RAB31: variants seen among roughly 807,000 people sequenced by gnomAD.
The protein encoded by RAB31 is RAB31, member RAS oncogene family.
RAB31 carries 21 observed loss-of-function variants against 25.6 expected under a neutral mutation model. The observed-to-expected ratio is 0.82, with a 90% CI of 0.58 to 1.18. The LOEUF (loss-of-function observed/expected upper bound fraction) is 1.18, where lower values mean the gene tolerates loss of function less well. Ranked by LOEUF, RAB31 falls within the 50% of genes most tolerant of loss-of-function variation. RAB31 has a pLI of 0.00. For synonymous variants in RAB31, 87 were observed against 84.0 expected, an observed-to-expected ratio of 1.04 and a Z score of -0.20; for missense variants, 196 against 250.1, an observed-to-expected ratio of 0.78 and a Z score of 1.46.
At chr18:9,740,621 G>A (rs6506687) in intron 1 of RAB31, among the ~76,000 whole-genome samples, 60,344 of 151,748 alleles carry the variant, frequency 0.4, 12,836 homozygotes, top group East Asian at 0.7. Context: ...GCTGAGGCAG[G>A]AGAATTGCTT....
intron 1 of RAB31, chr18:9,735,610 CA>C (rs766412927): frequency 1.3e-3 from 224 of 170,042 alleles, no homozygotes; most frequent in Non-Finnish European, 2.4e-3. Flanking sequence ...GCATGTCAGA[CA>C]AAAGAGGAAG....
Position 9,708,482 on chromosome 18 carries a change from C to T in RAB31, c.39+38C>T. 6.5e-7 allele frequency: 1 copy of T among 1,526,768 alleles called. No homozygotes were observed. The highest frequency in any genetic ancestry group is 8.8e-7 in the Non-Finnish European group (1 of 1,134,654). The allele number at this position is 1,526,768 out of a possible 1,614,324, so 94.6% of individuals were successfully genotyped here. On this transcript the variant is annotated intron_variant, in intron 1 of 6. Coordinates refer to ENST00000578921, the MANE Select transcript of RAB31 (RefSeq NM_006868.4). This position sits in a 1 kb window ranked among gnomAD's most constrained non-coding sequence, Gnocchi z 6.4. Reference sequence around the variant, plus strand: ...CGCCACCCGCCGGCGGACCCCGGCCCGCGCTCTCGCGCCCCTTCGCTCCCC... The same window carrying T: ...CGCCACCCGCCGGCGGACCCCGGCCTGCGCTCTCGCGCCCCTTCGCTCCCC...
chr18:9,857,686 TGATAGATAGATA>T lies in RAB31; in HGVS notation c.491-1509_491-1498del, dbSNP rs3039678. ...ATAGATAGATAGATAGATAGATAGA[TGATAGATAGATA>T]GATAGATAGATAGATAGATAGATAG... On this transcript the variant is annotated intron_variant, in intron 6 of 6. Transcript: ENST00000578921. 1.4e-3 allele frequency among the ~76,000 whole-genome samples: 161 copies of T among 114,164 alleles called. 1 individual carries two copies. Among genetic ancestry groups the T allele is most frequent in the African/African-American group, 4.7e-3 (142 of 30,166 alleles). The allele number at this position is 114,164 out of a possible 152,430, so 74.9% of individuals were successfully genotyped here.
At chr18:9,789,392 A>G (rs1416663968) in intron 2 of RAB31, among the ~76,000 whole-genome samples, 1 of 152,234 alleles carries the variant, frequency 6.6e-6, no homozygotes, top group Non-Finnish European at 1.5e-5. Flanking sequence ...TTGGGTGTTC[A>G]CAACACCAAG....
intron 1 of RAB31, 127 bp from the exon 2 acceptor site, chr18:9,775,151 C>A: frequency 1.4e-6 from 2 of 1,448,588 alleles, no homozygotes; most frequent in South Asian, 1.3e-5. Flanking sequence ...TCCCCCCACT[C>A]CCTCTCCCAG....
Position 9,859,231 on chromosome 18 carries a change from G to T in RAB31, c.494G>T (p.Arg165Leu), listed in dbSNP as rs200908119. 1 of 1,612,984 alleles carries T rather than the reference G, an allele frequency of 6.2e-7. No individual in the cohort carries two copies. The highest frequency in any genetic ancestry group is 8.5e-7 in the Non-Finnish European group (1 of 1,179,078). Reference sequence around the variant, plus strand: ...CTTGGCCTCCTTTTTGTTGCAGGCCGCCAGATCCCACCCTTGGACCCCCAT... The same window carrying T: ...CTTGGCCTCCTTTTTGTTGCAGGCCTCCAGATCCCACCCTTGGACCCCCAT... ...NIEELFQGIS[R>L]QIPPLDPHEN... Residue 165 changes from arginine (R) to leucine (L), a missense_variant, in exon 7 of 7, where the codon CGC becomes CTC. Physicochemically the swap from Arg to Leu is moderately radical, Grantham distance 102 (BLOSUM62 -2). Transcript: ENST00000578921.
chr18:9,741,934 T>A (rs1317060291), intron 1 of RAB31, among the ~76,000 whole-genome samples: 1 of 152,134 alleles, frequency 6.6e-6, no homozygotes. Context: ...AGCCAGGAAA[T>A]GTGAGTCAGT....
intron 5 of RAB31, among the ~76,000 whole-genome samples, chr18:9,821,606 G>A (rs942378920): frequency 6.6e-6 from 1 of 152,058 alleles, no homozygotes; most frequent in African/African-American, 2.4e-5. Context: ...GTTCAGCAAA[G>A]TTGTGGGATA....
chr18:9,753,178 G>A (rs1453743993), intron 1 of RAB31, among the ~76,000 whole-genome samples: 1 of 152,186 alleles, frequency 6.6e-6, no homozygotes, highest in Non-Finnish European at 1.5e-5. Context: ...TTGTGATACT[G>A]CTATGATTTG....
chr18:9,775,127 A>G, intron 1 of RAB31, 151 bp from the exon 2 acceptor site: 4 of 1,223,284 alleles, frequency 3.3e-6, no homozygotes, highest in Non-Finnish European at 4.5e-6. Context: ...ATTGGTGAGA[A>G]ATAGAAGAAA....
chr18:9,719,300 TATATA>T (rs1359209036), intron 1 of RAB31, among the ~76,000 whole-genome samples: 1 of 12,212 alleles, frequency 8.2e-5, no homozygotes, highest in African/African-American at 2.3e-4. Context: ...AAAAAAAAAA[TATATA>T]TATATATATA....
intron 1 of RAB31, among the ~76,000 whole-genome samples, chr18:9,754,867 A>G (rs1045875762): frequency 6.6e-6 from 1 of 152,144 alleles, no homozygotes; most frequent in Non-Finnish European, 1.5e-5. Flanking sequence ...TGGCCTAGAC[A>G]TGGAATATGT....
chr18:9,756,686 T>C (rs1398950724), intron 1 of RAB31, among the ~76,000 whole-genome samples: 2 of 152,214 alleles, frequency 1.3e-5, no homozygotes. Context: ...GTTGATACGA[T>C]AGACTCTGGT....
intron 3 of RAB31, among the ~76,000 whole-genome samples, chr18:9,802,412 T>C (rs1239079627): frequency 1.3e-5 from 2 of 152,238 alleles, no homozygotes; most frequent in African/African-American, 2.4e-5. Flanking sequence ...CAGTGAATCA[T>C]ACCTTTAATC....
intron 3 of RAB31, among the ~76,000 whole-genome samples, chr18:9,802,927 C>A (rs1248703447): frequency 6.6e-6 from 1 of 152,212 alleles, no homozygotes; most frequent in Non-Finnish European, 1.5e-5. Flanking sequence ...GTTCACTATT[C>A]ATAGGCCATT....
chr18:9,846,457 A>G (rs1206334884), intron 6 of RAB31, among the ~76,000 whole-genome samples: 1 of 152,248 alleles, frequency 6.6e-6, no homozygotes, highest in Non-Finnish European at 1.5e-5. Flanking sequence ...CTGCTCTGAG[A>G]CACCCTCAGG....
At chr18:9,742,397 A>T (rs2068184355) in intron 1 of RAB31, among the ~76,000 whole-genome samples, 1 of 152,164 alleles carries the variant, frequency 6.6e-6, no homozygotes, top group South Asian at 2.1e-4. Flanking sequence ...AGACATGCTA[A>T]TGAGACAGAG....
chr18:9,824,443 TGTA>T (rs1170807608), intron 5 of RAB31, among the ~76,000 whole-genome samples: 1 of 151,976 alleles, frequency 6.6e-6, no homozygotes, highest in Non-Finnish European at 1.5e-5. Context: ...TGAGTGTGTG[TGTA>T]GATGTGTGTG....
chr18:9,826,983 C>T (rs879392429), intron 5 of RAB31, among the ~76,000 whole-genome samples: 4 of 152,156 alleles, frequency 2.6e-5, no homozygotes, highest in Admixed American at 6.5e-5. Flanking sequence ...CATAATAAGT[C>T]ATTCCTTGGG....
Sources: gnomAD v4.1 joint callset for allele counts (sites outside exome capture counted in the v4.1 genomes callset) on GRCh38, gnomAD v4.1.1 for gene constraint, Gnocchi (gnomAD v3.1) non-coding constraint, MANE v1.5 for transcripts, NCBI Gene and HGNC (gene_info 2026-07-23, HGNC 2026-07-21) for gene names.